CNTNAP2: variants seen among roughly 807,000 people sequenced by gnomAD.
CNTNAP2 encodes contactin associated protein 2.
CNTNAP2 carries 98 observed loss-of-function variants against 155.2 expected under a neutral mutation model. The ratio of observed to expected loss-of-function variants is 0.63; its 90% confidence interval spans 0.54 to 0.75. The LOEUF (loss-of-function observed/expected upper bound fraction) is 0.75, where lower values mean the gene tolerates loss of function less well. Ranked by LOEUF, CNTNAP2 falls within the 30% of genes least tolerant of loss-of-function variation. The pLI is 0.00. For synonymous variants in CNTNAP2, 651 were observed against 631.2 expected (o/e 1.03, Z -0.47); for missense variants, 1,727 against 1,688.1 (o/e 1.02, Z -0.40).
At chr7:146,571,758 G>T (rs896090850) in intron 1 of CNTNAP2, among the ~76,000 whole-genome samples, 5 of 147,058 alleles carry the variant, frequency 3.4e-5, no homozygotes, top group Admixed American at 6.8e-5. Context: ...TTGAGACGCA[G>T]TCTCAATCTG....
At chr7:147,738,534 T>C (rs552200044) in intron 13 of CNTNAP2, among the ~76,000 whole-genome samples, 1 of 152,328 alleles carries the variant, frequency 6.6e-6, no homozygotes, top group East Asian at 1.9e-4. Flanking sequence ...TTTTGAAGGC[T>C]CAAATAATCA....
intron 12 of CNTNAP2, among the ~76,000 whole-genome samples, chr7:147,626,112 ACT>A (rs1160809899): frequency 6.6e-6 from 1 of 151,964 alleles, no homozygotes; most frequent in East Asian, 1.9e-4. Context: ...TGCAAAGGAA[ACT>A]CTGAACTGAA....
intron 11 of CNTNAP2, among the ~76,000 whole-genome samples, chr7:147,554,248 T>A (rs1018322022): frequency 6.6e-6 from 1 of 152,124 alleles, no homozygotes; most frequent in African/African-American, 2.4e-5. Flanking sequence ...AAATTTGATA[T>A]ATTGTGGAGT....
At chr7:147,378,687 T>C (rs1796482393) in intron 9 of CNTNAP2, among the ~76,000 whole-genome samples, 1 of 152,088 alleles carries the variant, frequency 6.6e-6, no homozygotes, top group Non-Finnish European at 1.5e-5. Flanking sequence ...ATTTAATGTT[T>C]GATAGTACAA....
chr7:148,365,843 CATGTGTATGCATGTATACATGTAT>C lies in CNTNAP2; in HGVS notation c.3476-17805_3476-17782del, dbSNP rs1798744014. Among the ~76,000 whole-genome samples, 2 of 10,166 alleles carry C rather than the reference CATGTGTATGCATGTATACATGTAT, an allele frequency of 2.0e-4. 1 individual carries two copies. The highest frequency in any genetic ancestry group is 8.7e-4 in the African/African-American group (2 of 2,288). 6.7% of individuals were successfully genotyped at this position (10,166 alleles called of 152,430 possible). Reference sequence around the variant, plus strand: ...ATGCATGTGTATGCATGTATACATGCATGTGTATGCATGTATACATGTATGTGTATGCATGTATACATGTATGTG... The same window carrying C: ...ATGCATGTGTATGCATGTATACATGCGTGTATGCATGTATACATGTATGTG... On this transcript the variant is annotated intron_variant, in intron 21 of 23. Transcript: ENST00000361727.
At chr7:146,454,388 A>G (rs569647569) in intron 1 of CNTNAP2, among the ~76,000 whole-genome samples, 1 of 152,276 alleles carries the variant, frequency 6.6e-6, no homozygotes, top group Non-Finnish European at 1.5e-5. Context: ...CGCAGAAGCA[A>G]GAGATTTTGC....
chr7:146,640,154 A>G (rs1799680759), intron 1 of CNTNAP2, among the ~76,000 whole-genome samples: 1 of 152,214 alleles, frequency 6.6e-6, no homozygotes, highest in African/African-American at 2.4e-5. Context: ...TCTTAGCAAA[A>G]CATTTTTATG....
chr7:147,763,684 C>T (rs117344837), intron 13 of CNTNAP2, among the ~76,000 whole-genome samples: 1 of 152,148 alleles, frequency 6.6e-6, no homozygotes, highest in East Asian at 1.9e-4. Flanking sequence ...ACTATAAGGG[C>T]AAGCCAAGCC....
At chr7:146,486,848 C>T (rs926717703) in intron 1 of CNTNAP2, among the ~76,000 whole-genome samples, 4 of 152,088 alleles carry the variant, frequency 2.6e-5, no homozygotes, top group African/African-American at 4.8e-5. Context: ...GTTCTTGGCT[C>T]CCTAAGTATT....
intron 13 of CNTNAP2, among the ~76,000 whole-genome samples, chr7:147,894,391 TGCAAGG>T (rs1799742362): frequency 1.3e-5 from 2 of 152,142 alleles, no homozygotes; most frequent in Non-Finnish European, 2.9e-5. Flanking sequence ...AATCCTGCAC[TGCAAGG>T]GCCTTCAAAT....
At chr7:146,726,322 C>T (rs762737808) in intron 1 of CNTNAP2, among the ~76,000 whole-genome samples, 1 of 152,102 alleles carries the variant, frequency 6.6e-6, no homozygotes, top group Non-Finnish European at 1.5e-5. Flanking sequence ...ACAAATTTCA[C>T]AGTCTAGAAT....
At chr7:148,331,782 A>ATGGAGTGGATG (rs1798029494) in intron 21 of CNTNAP2, among the ~76,000 whole-genome samples, 1 of 13,958 alleles carries the variant, frequency 7.2e-5, no homozygotes, top group Non-Finnish European at 2.1e-4. Flanking sequence ...TGGAATGGAC[A>ATGGAGTGGATG]GATGGAGTGG....
chr7:146,621,411 G>A (rs1043007309), intron 1 of CNTNAP2, among the ~76,000 whole-genome samples: 1 of 151,750 alleles, frequency 6.6e-6, no homozygotes, highest in Non-Finnish European at 1.5e-5. Flanking sequence ...TTCTTTTTTG[G>A]TTCCAGAATC....
At chr7:148,137,630 C>G (rs1377874965) in intron 16 of CNTNAP2, among the ~76,000 whole-genome samples, 1 of 149,580 alleles carries the variant, frequency 6.7e-6, no homozygotes, top group Non-Finnish European at 1.5e-5. Context: ...CCATTGCACT[C>G]CAGCCTGGGC....
intron 3 of CNTNAP2, among the ~76,000 whole-genome samples, chr7:146,848,458 A>G (rs550513766): frequency 3.1e-4 from 47 of 152,334 alleles, no homozygotes; most frequent in African/African-American, 1.1e-3. Context: ...AGGGGTCAAT[A>G]AACTGGTGAT....
At chr7:146,809,583 C>T (rs926832064) in intron 2 of CNTNAP2, among the ~76,000 whole-genome samples, 6 of 151,762 alleles carry the variant, frequency 4.0e-5, no homozygotes, top group African/African-American at 7.3e-5. Flanking sequence ...AGGCTGGTCT[C>T]GAACTCCTGA....
chr7:147,924,961 C>CA (rs1309894544), intron 14 of CNTNAP2, among the ~76,000 whole-genome samples: 15 of 151,238 alleles, frequency 9.9e-5, no homozygotes, highest in African/African-American at 2.9e-4. Flanking sequence ...ACAAAAAATA[C>CA]AAAAAAATTT....
In CNTNAP2 at chr7:146,116,913, C is replaced by T. The variant is rs796052375; in HGVS notation, c.37C>T (p.Leu13Phe). Residue 13 changes from leucine to phenylalanine, a missense_variant, in exon 1 of 24, where the codon CTC becomes TTC. Physicochemically the swap from Leu to Phe is conservative, Grantham distance 22. Transcript: ENST00000361727. This position sits in a 1 kb window ranked among gnomAD's most constrained non-coding sequence, Gnocchi z 5.5. ...AAPRAGCGAA[L>F]LLWIVSSCLC... ...TCCGCGCGCCGGCTGCGGGGCAGCG[C>T]TCCTGCTGTGGATTGTCAGCAGCTG... 5.8e-6 allele frequency: 9 copies of T among 1,550,930 alleles called. No homozygotes were observed. Among genetic ancestry groups the T allele is most frequent in the East Asian group, 2.4e-5 (1 of 41,014 alleles).
intron 12 of CNTNAP2, among the ~76,000 whole-genome samples, chr7:147,569,508 G>A (rs553856353): frequency 3.7e-4 from 56 of 152,272 alleles, no homozygotes; most frequent in Middle Eastern, 3.4e-3. Flanking sequence ...CCTTTTCTAT[G>A]TGTAGATAGG....
Sources: allele counts gnomAD v4.1 joint callset (sites outside exome capture counted in the v4.1 genomes callset), GRCh38; gene constraint gnomAD v4.1.1; non-coding constraint Gnocchi (gnomAD v3.1); transcripts MANE v1.5; gene names NCBI Gene and HGNC (gene_info 2026-07-23, HGNC 2026-07-21).